The following KIF21A variants were observed in gnomAD, a reference collection of about 807,000 sequenced individuals.
KIF21A encodes the protein kinesin-like protein KIF21A.
In KIF21A, 114 loss-of-function variants were observed where a neutral mutation model predicts 202.9. The ratio of observed to expected loss-of-function variants is 0.56; its 90% CI spans 0.48 to 0.66. KIF21A has a LOEUF of 0.66. KIF21A is among the 30% of genes least tolerant of loss of function. The pLI, the probability that KIF21A is intolerant of heterozygous loss-of-function variation, is 0.00. For synonymous variants in KIF21A, 667 were observed against 670.8 expected, an observed-to-expected ratio of 0.99 and a Z score of 0.09; for missense variants, 1,677 against 1,994.9, an observed-to-expected ratio of 0.84 and a Z score of 3.04.
intron 1 of KIF21A, among the ~76,000 whole-genome samples, chr12:39,383,737 T>A (rs911298220): frequency 2.0e-5 from 3 of 152,128 alleles, no homozygotes; most frequent in African/African-American, 7.2e-5. Flanking sequence ...AGTTCAAGGC[T>A]GCAGTGAGCT....
At chr12:39,333,426 A>G in intron 17 of KIF21A, 146 bp from the exon 18 acceptor site, 1 of 659,706 alleles carries the variant, frequency 1.5e-6, no homozygotes, top group South Asian at 1.8e-5. Context: ...ATATTATTAC[A>G]GGTACAGCTA....
chr12:39,331,663 T>C (rs780052337), intron 22 of KIF21A, 27 bp downstream of exon 22: 7 of 1,458,158 alleles, frequency 4.8e-6, no homozygotes, highest in Middle Eastern at 1.7e-4. Flanking sequence ...AACTTAGATT[T>C]TCAGTAACAG....
intron 1 of KIF21A, among the ~76,000 whole-genome samples, chr12:39,411,902 T>C (rs1209044145): frequency 6.6e-6 from 1 of 151,942 alleles, no homozygotes; most frequent in Non-Finnish European, 1.5e-5. Context: ...TGCCACAATC[T>C]CAGCTCACTG....
intron 1 of KIF21A, among the ~76,000 whole-genome samples, chr12:39,383,359 C>G (rs998476843): frequency 2.6e-5 from 4 of 152,146 alleles, no homozygotes; most frequent in Non-Finnish European, 2.9e-5. Flanking sequence ...CTAGCTTTCC[C>G]CTTCCGGCAA....
At chr12:39,368,128 T>A in intron 3 of KIF21A, 96 bp from the exon 4 acceptor site, 1 of 761,076 alleles carries the variant, frequency 1.3e-6, no homozygotes. Flanking sequence ...TACAGATTTT[T>A]AAAGTATTTC....
rs79512568 is a variant in KIF21A, at chr12:39,331,725, G to A, written c.3118C>T (p.Leu1040=). 1.7e-3 allele frequency: 2,748 copies of A among 1,613,318 alleles called. 71 individuals are homozygous for A. The East Asian group carries it at 0.055, about 32-fold the overall frequency. The change falls in exon 22 of 38, where the codon CTG becomes TTG. Residue 1040 remains leucine, a synonymous_variant. Transcript: ENST00000361418. The part of the protein sequence containing the change: ...NACTLTEARY[L]LDHFLSMGIN... ...CCCATTGACAGGAAGTGATCTAGCA[G>A]GTATCGGGCTTCTGTAAGGGTGCAG...
chr12:39,393,507 C>T (rs1157389636), intron 1 of KIF21A, among the ~76,000 whole-genome samples: 1 of 152,152 alleles, frequency 6.6e-6, no homozygotes, highest in African/African-American at 2.4e-5. Flanking sequence ...TTCGCAACTC[C>T]ATTATGTGTC....
chr12:39,348,418 A>G (rs761943798), intron 11 of KIF21A, among the ~76,000 whole-genome samples: 21 of 152,120 alleles, frequency 1.4e-4, no homozygotes, highest in Non-Finnish European at 2.2e-4. Context: ...AAGGTAGAAG[A>G]GCAAACCTTA....
chr12:39,399,607 C>T lies in KIF21A; in HGVS notation c.45-29346G>A, dbSNP rs370817256. ...AGACATATGAGACACTCTGTATGCACGAGGTCTTAATTTGGTTATCCCACA... is the reference window on the plus strand; with the variant it reads ...AGACATATGAGACACTCTGTATGCATGAGGTCTTAATTTGGTTATCCCACA... On this transcript the variant is annotated intron_variant, in intron 1 of 37. Coordinates refer to ENST00000361418, the MANE Select transcript of KIF21A (RefSeq NM_001173464.2). Among the ~76,000 whole-genome samples, 312 of 152,280 alleles carry T rather than the reference C, an allele frequency of 2.0e-3. 4 individuals carry two copies. Among genetic ancestry groups the T allele is most frequent in the African/African-American group, 7.1e-3 (294 of 41,556 alleles).
chr12:39,415,602 T>A (rs1308253040), intron 1 of KIF21A, among the ~76,000 whole-genome samples: 2 of 152,204 alleles, frequency 1.3e-5, no homozygotes, highest in Non-Finnish European at 2.9e-5. Flanking sequence ...CCCTTATGTC[T>A]GAGAAGCTTT....
chr12:39,349,767 A>G (rs1252564021), intron 11 of KIF21A, among the ~76,000 whole-genome samples: 1 of 152,098 alleles, frequency 6.6e-6, no homozygotes, highest in Admixed American at 6.6e-5. Context: ...ACATTTGATT[A>G]TAGTGTGGTA....
At chr12:39,350,735 T>C (rs1248903516) in intron 11 of KIF21A, among the ~76,000 whole-genome samples, 1 of 152,024 alleles carries the variant, frequency 6.6e-6, no homozygotes, top group East Asian at 1.9e-4. Context: ...AACCATAATG[T>C]ATAATTCCTT....
chr12:39,408,259 T>C (rs1007530990), intron 1 of KIF21A, among the ~76,000 whole-genome samples: 1 of 152,110 alleles, frequency 6.6e-6, no homozygotes, highest in Non-Finnish European at 1.5e-5. Flanking sequence ...AGGCATTAGA[T>C]TCTCAAGAAG....
intron 1 of KIF21A, among the ~76,000 whole-genome samples, chr12:39,413,233 T>C (rs1953258566): frequency 6.6e-6 from 1 of 152,208 alleles, no homozygotes; most frequent in South Asian, 2.1e-4. Context: ...AATTTTGTTA[T>C]CTTGACCCCG....
At chr12:39,362,358 T>C (rs966852874) in intron 7 of KIF21A, among the ~76,000 whole-genome samples, 1 of 152,222 alleles carries the variant, frequency 6.6e-6, no homozygotes, top group African/African-American at 2.4e-5. Context: ...GTAAATATGA[T>C]GTTACATTAT....
chr12:39,390,100 C>A (rs186714922), intron 1 of KIF21A, among the ~76,000 whole-genome samples: 1 of 152,280 alleles, frequency 6.6e-6, no homozygotes, highest in East Asian at 1.9e-4. Flanking sequence ...CTCCCATACA[C>A]CTAACCTCCT....
Position 39,302,964 on chromosome 12 carries a change from C to T in KIF21A, c.4731+1G>A, listed in dbSNP as rs1282060040. On this transcript the variant is annotated splice_donor_variant, in intron 36 of 37. Coordinates refer to ENST00000361418, the MANE Select transcript of KIF21A (RefSeq NM_001173464.2). LOFTEE classifies it high-confidence loss of function. ...TATACCATGAAAAGGTTCTGCATTA[C>T]CTGAAGAAGGTCTTTTTGAGTTAAG... 1 of 1,613,162 alleles carries T rather than the reference C, an allele frequency of 6.2e-7. No homozygotes were observed.
In KIF21A at chr12:39,367,998, G is replaced by T. The variant is rs1472980527; in HGVS notation, c.485C>A (p.Thr162Asn). 1.3e-6 allele frequency: 2 copies of T among 1,596,068 alleles called. No homozygotes were observed. Among genetic ancestry groups the T allele is most frequent in the Non-Finnish European group, 1.7e-6 (2 of 1,164,968 alleles). The change falls in exon 4 of 38, where the codon ACC becomes AAC. Residue 162 changes from threonine (T) to asparagine (N), a missense_variant. By Grantham distance (65) the Thr-to-Asn change is moderately conservative. Around this residue, in one of 3 missense-constraint regions of KIF21A, gnomAD observed 966 missense variants for 1,180.9 expected, o/e 0.82. Coordinates refer to ENST00000361418, the MANE Select transcript of KIF21A (RefSeq NM_001173464.2). ...YNEEVLDLFD[T>N]TRDIDAKSKK... ...ACTTTTTGCATCAATATCACGAGTGGTATCAAATAAGTCAAGGACCTCTTC... is the reference window on the plus strand; with the variant it reads ...ACTTTTTGCATCAATATCACGAGTGTTATCAAATAAGTCAAGGACCTCTTC...
chr12:39,333,198 C>T lies in KIF21A; in HGVS notation c.2487+14G>A. On this transcript the variant is annotated intron_variant, in intron 18 of 37. Coordinates refer to ENST00000361418, the MANE Select transcript of KIF21A (RefSeq NM_001173464.2). ...CAGAAGGTTTCTTCCAAATGGTCAG[C>T]TTGCTTACTGTACCTCTTCAGTTTT... The T allele has an allele frequency of 6.2e-7, 1 of 1,612,872 alleles. No homozygotes were observed. The highest frequency in any genetic ancestry group is 8.5e-7 in the Non-Finnish European group (1 of 1,178,838).
Sources: gnomAD v4.1 joint callset for allele counts (sites outside exome capture counted in the v4.1 genomes callset) on GRCh38, gnomAD v4.1.1 for gene constraint, gnomAD v4.1.1 regional missense constraint, MANE v1.5 for transcripts, NCBI Gene and HGNC (gene_info 2026-07-23, HGNC 2026-07-21) for gene names.